The following GNAL variants were observed in gnomAD, a reference collection of about 807,000 sequenced individuals.
The protein encoded by GNAL is guanine nucleotide-binding protein G(olf) subunit alpha.
Under a neutral mutation model 55.1 loss-of-function variants are expected in GNAL, and 18 were observed. That is an observed-to-expected ratio of 0.33 (90% confidence interval 0.23 to 0.48). GNAL has a LOEUF of 0.48. Ranked by LOEUF, GNAL falls within the 20% of genes least tolerant of loss-of-function variation. The pLI is 0.99. For missense variants in GNAL, 412 were observed against 614.1 expected, an observed-to-expected ratio of 0.67 and a Z score of 3.48; for synonymous variants, 253 against 237.0, an observed-to-expected ratio of 1.07 and a Z score of -0.62.
chr18:11,785,987 A>G (rs1283147873), intron 4 of GNAL, among the ~76,000 whole-genome samples: 2 of 152,246 alleles, frequency 1.3e-5, no homozygotes, highest in African/African-American at 4.8e-5. Flanking sequence ...GAGAGAAAAG[A>G]AAAGTGGGGC....
intron 4 of GNAL, among the ~76,000 whole-genome samples, chr18:11,767,940 A>G (rs909708026): frequency 6.6e-6 from 1 of 152,204 alleles, no homozygotes; most frequent in African/African-American, 2.4e-5. Context: ...GTACTTAGTA[A>G]GTTCTTAGTA....
At chr18:11,690,529 T>C (rs112928056) in intron 1 of GNAL, among the ~76,000 whole-genome samples, 8,847 of 151,264 alleles carry the variant, frequency 0.058, 282 homozygotes, top group South Asian at 0.077. Context: ...TACATATGTA[T>C]ACATGTGCCA....
At position 11,712,360 on chromosome 18, in the gene GNAL, C is replaced by T. The variant is rs2031858835; in HGVS notation, c.376+22421C>T. 2.6e-5 allele frequency among the ~76,000 whole-genome samples: 4 copies of T among 152,134 alleles called. No individual in the cohort carries two copies. The South Asian group carries it at 8.3e-4, about 32-fold the overall frequency. ...CCCGACGTGCATAAAATTGAATTGC[C>T]CTTTTTACCTCTTTTAATGCAACTG... On this transcript the variant is annotated intron_variant, in intron 1 of 11. Coordinates refer to ENST00000334049, the MANE Select transcript of GNAL (RefSeq NM_182978.4).
intron 1 of GNAL, among the ~76,000 whole-genome samples, chr18:11,713,742 A>G (rs2031890076): frequency 1.3e-5 from 2 of 152,194 alleles, no homozygotes; most frequent in African/African-American, 4.8e-5. Flanking sequence ...ACCTGACTTG[A>G]TTTCTGGCTC....
At chr18:11,731,340 G>T (rs1598416594) in intron 1 of GNAL, among the ~76,000 whole-genome samples, 1 of 152,200 alleles carries the variant, frequency 6.6e-6, no homozygotes, top group Non-Finnish European at 1.5e-5. Flanking sequence ...TAGAGACGGG[G>T]TTTCTCCATG....
chr18:11,708,592 A>G (rs2031767857), intron 1 of GNAL, among the ~76,000 whole-genome samples: 2 of 152,258 alleles, frequency 1.3e-5, no homozygotes, highest in Non-Finnish European at 2.9e-5. Flanking sequence ...AATGGTGCCA[A>G]TAGACTTGCT....
rs138875721 is a variant in GNAL, at chr18:11,724,363, G to A, written c.377-28490G>A. On this transcript the variant is annotated intron_variant, in intron 1 of 11. Coordinates refer to ENST00000334049, the MANE Select transcript of GNAL (RefSeq NM_182978.4). ...GCCCTGATAGAGCACCACAGGCTGCGTGGCTTATACAACAGAAGTGGACTT... is the reference window on the plus strand; with the variant it reads ...GCCCTGATAGAGCACCACAGGCTGCATGGCTTATACAACAGAAGTGGACTT... 2.5e-3 allele frequency among the ~76,000 whole-genome samples: 379 copies of A among 152,296 alleles called. 2 individuals carry two copies. The highest frequency in any genetic ancestry group is 8.6e-3 in the African/African-American group (357 of 41,560).
intron 4 of GNAL, among the ~76,000 whole-genome samples, chr18:11,774,652 C>T (rs2033729044): frequency 6.6e-6 from 1 of 152,138 alleles, no homozygotes; most frequent in Non-Finnish European, 1.5e-5. Flanking sequence ...TGCCCCGAGT[C>T]ATAGAGCTGG....
At chr18:11,878,928 T>C (rs2036593578) in intron 11 of GNAL, among the ~76,000 whole-genome samples, 1 of 146,894 alleles carries the variant, frequency 6.8e-6, no homozygotes, top group Non-Finnish European at 1.5e-5. Flanking sequence ...ATACCTCACC[T>C]GGTGCTTTGG....
intron 1 of GNAL, among the ~76,000 whole-genome samples, chr18:11,730,333 A>G (rs2032309601): frequency 6.6e-6 from 1 of 151,752 alleles, no homozygotes; most frequent in Admixed American, 6.6e-5. Context: ...TAATTTTTGT[A>G]GTTTTAGTAG....
chr18:11,707,138 A>G (rs1422260274), intron 1 of GNAL, among the ~76,000 whole-genome samples: 1 of 152,150 alleles, frequency 6.6e-6, no homozygotes, highest in Non-Finnish European at 1.5e-5. Context: ...CTCCCAAGTA[A>G]CTGAGACTAC....
At chr18:11,767,443 C>G (rs1401121128) in intron 4 of GNAL, among the ~76,000 whole-genome samples, 1 of 151,752 alleles carries the variant, frequency 6.6e-6, no homozygotes, top group Admixed American at 6.6e-5. Flanking sequence ...TTTGCTTGCA[C>G]AGTTGCTCTC....
Position 11,885,641 on chromosome 18 carries a change from GA to G in GNAL, c.*4509del, listed in dbSNP as rs753083377. ...TTACTGTGTTGATTTAAATACTTAT[GA>G]AAGCTTTCAGACAAAAATAAACTTT... is the stretch of plus-strand genomic sequence containing the variant. On this transcript the variant is annotated 3_prime_UTR_variant, in exon 12 of 12. Transcript: ENST00000334049. The G allele has an allele frequency of 3.1e-6, 5 of 1,593,938 alleles. No homozygotes were observed. Among genetic ancestry groups the G allele is most frequent in the Non-Finnish European group, 4.3e-6 (5 of 1,165,268 alleles).
At chr18:11,773,269 A>G (rs2033686380) in intron 4 of GNAL, among the ~76,000 whole-genome samples, 1 of 152,212 alleles carries the variant, frequency 6.6e-6, no homozygotes, top group African/African-American at 2.4e-5. Context: ...TCACTTACCT[A>G]CAATTGCAAC....
chr18:11,834,732 G>T (rs1389972315), intron 5 of GNAL, among the ~76,000 whole-genome samples: 6 of 152,108 alleles, frequency 3.9e-5, no homozygotes, highest in South Asian at 2.1e-4. Context: ...AACAAAGAAA[G>T]AAATTTTGTT....
At position 11,765,013 on chromosome 18, in the gene GNAL, C is replaced by T. The variant is rs561222131; in HGVS notation, c.624+11068C>T. The stretch of plus-strand genomic sequence containing the variant: ...CTTATGGTTAACAGCACAGGCTGCC[C>T]CATAAAAATACCTGATGAAAAAACA... On this transcript the variant is annotated intron_variant, in intron 4 of 11. Coordinates refer to ENST00000334049, the MANE Select transcript of GNAL (RefSeq NM_182978.4). Among the ~76,000 whole-genome samples the T allele has an allele frequency of 2.6e-5, 4 of 152,112 alleles. No individual in the cohort carries two copies. The South Asian group carries it at 8.3e-4, about 32-fold the overall frequency.
chr18:11,739,458 A>G (rs970138788), intron 1 of GNAL, among the ~76,000 whole-genome samples: 5 of 152,146 alleles, frequency 3.3e-5, no homozygotes, highest in Non-Finnish European at 4.4e-5. Context: ...TACGGTTCTC[A>G]AAATCACTCG....
chr18:11,846,106 T>A (rs1158706302), intron 5 of GNAL, among the ~76,000 whole-genome samples: 1 of 152,108 alleles, frequency 6.6e-6, no homozygotes, highest in Non-Finnish European at 1.5e-5. Context: ...AAGAGAGGCA[T>A]CCCGTACCAG....
chr18:11,839,120 A>C (rs114573424), intron 5 of GNAL, among the ~76,000 whole-genome samples: 212 of 152,342 alleles, frequency 1.4e-3, no homozygotes, highest in African/African-American at 4.9e-3. Flanking sequence ...ATTGTGTACC[A>C]CTGTGCCTAG....
Sources: allele counts gnomAD v4.1 joint callset (sites outside exome capture counted in the v4.1 genomes callset), GRCh38; gene constraint gnomAD v4.1.1; transcripts MANE v1.5; gene names NCBI Gene and HGNC (gene_info 2026-07-23, HGNC 2026-07-21).